The following PIGN variants were observed in gnomAD, a reference collection of about 807,000 sequenced individuals.
PIGN encodes the protein phosphatidylinositol glycan anchor biosynthesis class N, also known as GPI ethanolamine phosphate transferase 1.
A neutral mutation model predicts 125.4 loss-of-function variants in PIGN; 117 were observed. That is an observed-to-expected ratio of 0.93 (90% CI 0.80 to 1.09). The LOEUF is 1.09. PIGN is among the 50% of genes least tolerant of loss of function. The probability of loss-of-function intolerance (pLI) is 0.00; values close to 1 mark genes in which losing one functional copy is unlikely to be tolerated. For missense variants in PIGN, 1,075 were observed against 1,094.9 expected (o/e 0.98, Z 0.26); for synonymous variants, 392 against 377.8 (o/e 1.04, Z -0.44).
intron 14 of PIGN, among the ~76,000 whole-genome samples, chr18:62,117,527 C>T (rs2035132137): frequency 6.7e-6 from 1 of 149,010 alleles, no homozygotes; most frequent in African/African-American, 2.5e-5. Flanking sequence ...AAGTGTATTA[C>T]ACCATTTTAT....
intron 14 of PIGN, among the ~76,000 whole-genome samples, chr18:62,117,883 C>T (rs1367352208): frequency 6.6e-6 from 1 of 151,986 alleles, no homozygotes; most frequent in East Asian, 1.9e-4. Flanking sequence ...CATGTTGCTG[C>T]AAATGACAGG....
chr18:62,179,098 AG>A (rs760282635), intron 1 of PIGN, among the ~76,000 whole-genome samples: 7 of 152,296 alleles, frequency 4.6e-5, no homozygotes, highest in Non-Finnish European at 1.0e-4. Flanking sequence ...TCTCATGGTA[AG>A]TCTGGGGTTA....
At position 62,145,989 on chromosome 18, in the gene PIGN, G is replaced by C. The variant is rs1234468522; in HGVS notation, c.842C>G (p.Thr281Ser). ...TCCAGCTCCCCAAGTGACTAAAGGA[G>C]TTAAAGTCTCTGAAGGATGACCAGC... is the stretch of plus-strand genomic sequence containing the variant. The part of the protein sequence containing the change: ...HGAGHPSETL[T>S]PLVTWGAGIK... The change falls in exon 10 of 31, where the codon ACT (threonine) becomes AGT (serine). Residue 281 changes from threonine to serine, a missense_variant. Around this residue, in one of 3 missense-constraint regions of PIGN, gnomAD observed 915 missense variants for 908.7 expected, o/e 1.01. Coordinates refer to ENST00000640252, the MANE Select transcript of PIGN (RefSeq NM_176787.5). 6.2e-7 allele frequency: 1 copy of C among 1,603,566 alleles called. No homozygotes were observed. Among genetic ancestry groups the C allele is most frequent in the Admixed American group, 1.7e-5 (1 of 59,236 alleles).
chr18:62,127,761 G>A (rs912076193), intron 14 of PIGN, among the ~76,000 whole-genome samples: 5 of 151,974 alleles, frequency 3.3e-5, no homozygotes, highest in African/African-American at 9.7e-5. Context: ...TGTGACTGAG[G>A]TTCGCTGGAG....
intron 30 of PIGN, 50 bp downstream of exon 30, chr18:62,072,623 C>T: frequency 7.2e-7 from 1 of 1,398,154 alleles, no homozygotes; most frequent in South Asian, 1.3e-5. Context: ...CAATATATTT[C>T]TCAGAACTTA....
intron 10 of PIGN, among the ~76,000 whole-genome samples, chr18:62,144,389 T>C (rs951603278): frequency 2.0e-5 from 3 of 152,208 alleles, no homozygotes; most frequent in African/African-American, 7.2e-5. Context: ...ACATACTTCA[T>C]GCTCTCCTTA....
chr18:62,129,866 A>AT (rs1266124599), intron 14 of PIGN, among the ~76,000 whole-genome samples: 1 of 152,236 alleles, frequency 6.6e-6, no homozygotes, highest in African/African-American at 2.4e-5. Context: ...AACCCCTGGT[A>AT]TCTGGGAATG....
At position 62,148,068 on chromosome 18, in the gene PIGN, CAT is replaced by C. The variant is rs2036399412; in HGVS notation, c.674+144_674+145del. On this transcript the variant is annotated intron_variant, in intron 8 of 30. Coordinates refer to ENST00000640252, the MANE Select transcript of PIGN (RefSeq NM_176787.5). ...ATTTAAACGACTATATTGGAAATCT[CAT>C]ATAATTGAGAACTTAATAAACATTA... The C allele has an allele frequency of 5.5e-6, 3 of 545,516 alleles. No homozygotes were observed. In the South Asian group the frequency reaches 8.3e-5, roughly 15 times the overall value. The allele number at this position is 545,516 out of a possible 1,614,324, so 33.8% of individuals were successfully genotyped here.
intron 30 of PIGN, among the ~76,000 whole-genome samples, chr18:62,060,971 GA>G (rs1345208222): frequency 6.6e-6 from 1 of 152,154 alleles, no homozygotes; most frequent in East Asian, 1.9e-4. Context: ...TCTGTCAGCT[GA>G]ACAGTTTTAT....
chr18:62,063,946 AAGG>A (rs1310104226), intron 30 of PIGN, among the ~76,000 whole-genome samples: 1 of 132,056 alleles, frequency 7.6e-6, no homozygotes, highest in East Asian at 2.7e-4. Flanking sequence ...GGGGAGGGGG[AAGG>A]GATAGCATTA....
chr18:62,084,544 AG>A lies in PIGN; in HGVS notation c.2488del (p.Leu830Ter), dbSNP rs1796878136. The A allele has an allele frequency of 6.5e-7, 1 of 1,548,346 alleles. No homozygotes were observed. Among genetic ancestry groups the A allele is most frequent in the South Asian group, 1.2e-5 (1 of 83,182 alleles). The stretch of plus-strand genomic sequence containing the variant: ...AAGAAAACTAACCTTCCACATCATC[AG>A]GGCTCCCATCATAAAAGGACTGAAC... Reference protein sequence around the residue: ...TVFSPFMMGALMMWKILIPFV... With the variant: ...TVFSPFMMGAXMMWKILIPFV... On this transcript the variant is annotated frameshift_variant, in exon 27 of 31. Transcript: ENST00000640252. LOFTEE classifies it high-confidence loss of function.
At chr18:62,068,430 C>T (rs1175210487) in intron 30 of PIGN, among the ~76,000 whole-genome samples, 1 of 152,156 alleles carries the variant, frequency 6.6e-6, no homozygotes, top group Admixed American at 6.5e-5. Context: ...GATAGTCCTT[C>T]TCCCACTCTT....
rs2030360185 is a variant in PIGN, at chr18:62,041,221, G to A, written c.*4635C>T. ...AAAGATATAAAACATAAGGTATGAA[G>A]GCTTAGTCTATACTCTAGCAGGGCT... On this transcript the variant is annotated 3_prime_UTR_variant, in exon 31 of 31. Coordinates refer to ENST00000640252, the MANE Select transcript of PIGN (RefSeq NM_176787.5). The A allele has an allele frequency of 6.6e-6, 1 of 152,122 alleles. No homozygotes were observed. The highest frequency in any genetic ancestry group is 2.4e-5 in the African/African-American group (1 of 41,422). The allele number at this position is 152,122 out of a possible 1,614,324, so 9.4% of individuals were successfully genotyped here.
At chr18:62,126,481 T>C (rs974975875) in intron 14 of PIGN, among the ~76,000 whole-genome samples, 8 of 152,196 alleles carry the variant, frequency 5.3e-5, no homozygotes, top group Non-Finnish European at 1.2e-4. Flanking sequence ...TAAAAATCAC[T>C]GTAATGAAAT....
Position 62,139,009 on chromosome 18 carries a change from C to T in PIGN, c.1090G>A (p.Ala364Thr). 6.2e-7 allele frequency: 1 copy of T among 1,608,478 alleles called. No homozygotes were observed. The highest frequency in any genetic ancestry group is 1.1e-5 in the South Asian group (1 of 90,368). Reference protein sequence around the residue: ...LFKAESMFTNAVQILEQFKVK... With the variant: ...LFKAESMFTNTVQILEQFKVK... ...TTGAACTGTTCAAGAATCTGTACTG[C>T]ATTTGTAAACATGCTCTCTGCTTTG... The change falls in exon 13 of 31, where the codon GCA (alanine) becomes ACA (threonine). Residue 364 changes from alanine (A) to threonine (T), a missense_variant. Coordinates refer to ENST00000640252, the MANE Select transcript of PIGN (RefSeq NM_176787.5).
At chr18:62,048,385 A>C (rs547592850) in intron 30 of PIGN, among the ~76,000 whole-genome samples, 9 of 152,354 alleles carry the variant, frequency 5.9e-5, no homozygotes, top group African/African-American at 1.9e-4. Context: ...AATCCACACA[A>C]AGACACATCA....
intron 11 of PIGN, 146 bp downstream of exon 11, chr18:62,143,160 T>C (rs1243024674): frequency 1.8e-6 from 1 of 557,006 alleles, no homozygotes; most frequent in East Asian, 3.2e-5. Flanking sequence ...GCTAAAATAT[T>C]TGCACTAAAA....
chr18:62,072,396 T>C (rs2032931121), intron 30 of PIGN: 2 of 249,008 alleles, frequency 8.0e-6, no homozygotes, highest in Non-Finnish European at 1.5e-5. Context: ...AAAAATCTTT[T>C]ACACTGAATT....
chr18:62,062,882 C>CTTTTTTTT lies in PIGN; in HGVS notation c.2672+9783_2672+9790dup, dbSNP rs71160811. 4.7e-4 allele frequency among the ~76,000 whole-genome samples: 10 copies of CTTTTTTTT among 21,064 alleles called. 1 individual carries two copies. Among genetic ancestry groups the CTTTTTTTT allele is most frequent in the East Asian group, 1.6e-3 (1 of 618 alleles). 13.8% of individuals were successfully genotyped at this position (21,064 alleles called of 152,430 possible). Reference sequence around the variant, plus strand: ...ATTTGTTTTATGCTTTTGTATTCTGCTTTTTTTTTTTTTTTTTTTTTTTTT... The same window carrying CTTTTTTTT: ...ATTTGTTTTATGCTTTTGTATTCTGCTTTTTTTTTTTTTTTTTTTTTTTTTTTTTTTTT... On this transcript the variant is annotated intron_variant, in intron 30 of 30. Coordinates refer to ENST00000640252, the MANE Select transcript of PIGN (RefSeq NM_176787.5).
Sources: gnomAD v4.1 joint callset for allele counts (sites outside exome capture counted in the v4.1 genomes callset) on GRCh38, gnomAD v4.1.1 for gene constraint, gnomAD v4.1.1 regional missense constraint, MANE v1.5 for transcripts, NCBI Gene and HGNC (gene_info 2026-07-23, HGNC 2026-07-21) for gene names.